Variants in PXDNL observed in about 807,000 individuals in gnomAD.
The protein encoded by PXDNL is peroxidasin like.
Under a neutral mutation model 150.8 loss-of-function variants are expected in PXDNL, and 145 were observed. That is an observed-to-expected ratio of 0.96 (90% CI 0.84 to 1.10). The LOEUF is 1.10. Among genes scored for constraint, PXDNL ranks in the 50% least tolerant of loss-of-function variants. The pLI is 0.00. For missense variants in PXDNL, 2,087 were observed against 1,873.9 expected, an observed-to-expected ratio of 1.11 and a Z score of -2.10; for synonymous variants, 757 against 725.7, an observed-to-expected ratio of 1.04 and a Z score of -0.69.
At chr8:51,394,833 T>C (rs1808031109) in intron 17 of PXDNL, among the ~76,000 whole-genome samples, 1 of 152,072 alleles carries the variant, frequency 6.6e-6, no homozygotes, top group Non-Finnish European at 1.5e-5. Context: ...GGCCTAGAAG[T>C]CTCTGCTCTG....
At position 51,544,453 on chromosome 8, in the gene PXDNL, C is replaced by T. The variant is rs549662892; in HGVS notation, c.380+12387G>A. Among the ~76,000 whole-genome samples the T allele has an allele frequency of 3.3e-5, 5 of 152,306 alleles. No homozygotes were observed. The South Asian group carries it at 8.3e-4, about 25-fold the overall frequency. On this transcript the variant is annotated intron_variant, in intron 4 of 22. Coordinates refer to ENST00000356297, the MANE Select transcript of PXDNL (RefSeq NM_144651.5). ...ACATCAGGTTATTCTTCGGAACTAT[C>T]TAGCCCTCACTGATGCTTAAAGTAA...
In PXDNL at chr8:51,707,931, A is replaced by G. The variant is rs144303372; in HGVS notation, c.165-53171T>C. 8.5e-5 allele frequency among the ~76,000 whole-genome samples: 13 copies of G among 152,274 alleles called. No homozygotes were observed. In the East Asian group the frequency reaches 2.5e-3, roughly 29 times the overall value. On this transcript the variant is annotated intron_variant, in intron 1 of 22. Coordinates refer to ENST00000356297, the MANE Select transcript of PXDNL (RefSeq NM_144651.5). ...CATATATATACATGCACACACGCAC[A>G]TACAAATATATATATATAATATTTT...
At chr8:51,437,092 A>G (rs977817038) in intron 12 of PXDNL, among the ~76,000 whole-genome samples, 4 of 152,212 alleles carry the variant, frequency 2.6e-5, no homozygotes, top group African/African-American at 9.6e-5. Flanking sequence ...CAAACTAGAA[A>G]ACCTAGAGGA....
Position 51,741,437 on chromosome 8 carries a change from G to GT in PXDNL, c.164+67743dup, listed in dbSNP as rs1353724399. On this transcript the variant is annotated intron_variant, in intron 1 of 22. Transcript: ENST00000356297. ...TTACCATTATGTAATGTCCTTCTTTGTCTTTTTTATCTTTGTTAGTTTAAA... is the reference window on the plus strand; with the variant it reads ...TTACCATTATGTAATGTCCTTCTTTGTTCTTTTTTATCTTTGTTAGTTTAAA... 1.8e-3 allele frequency among the ~76,000 whole-genome samples: 15 copies of GT among 8,248 alleles called. No individual in the cohort carries two copies. The South Asian group carries it at 0.41, about 225-fold the overall frequency. The allele number at this position is 8,248 out of a possible 152,430, so 5.4% of individuals were successfully genotyped here.
chr8:51,544,407 T>G (rs1812306428), intron 4 of PXDNL, among the ~76,000 whole-genome samples: 1 of 152,210 alleles, frequency 6.6e-6, no homozygotes, highest in Non-Finnish European at 1.5e-5. Context: ...TGCTATCTTC[T>G]GCACTGACAC....
chr8:51,447,286 T>C lies in PXDNL; in HGVS notation c.1367-124A>G, dbSNP rs1422797256. Reference sequence around the variant, plus strand: ...AAATTCTCGGTGCTAGGGTGTACTGTGTGCGTTGTGCCCTAGGATTGCAAC... The same window carrying C: ...AAATTCTCGGTGCTAGGGTGTACTGCGTGCGTTGTGCCCTAGGATTGCAAC... On this transcript the variant is annotated intron_variant, in intron 11 of 22. Transcript: ENST00000356297. The C allele has an allele frequency of 6.7e-6, 6 of 901,452 alleles. No individual in the cohort carries two copies. In the Admixed American group the frequency reaches 8.6e-5, roughly 13 times the overall value. The allele number at this position is 901,452 out of a possible 1,614,324, so 55.8% of individuals were successfully genotyped here.
At chr8:51,471,828 A>G (rs1315162323) in intron 8 of PXDNL, among the ~76,000 whole-genome samples, 2 of 151,866 alleles carry the variant, frequency 1.3e-5, no homozygotes, top group African/African-American at 4.8e-5. Context: ...CTGGGACTAC[A>G]GGCGCTCACC....
At chr8:51,794,352 A>G (rs6990860) in intron 1 of PXDNL, among the ~76,000 whole-genome samples, 6,550 of 152,220 alleles carry the variant, frequency 0.043, 468 homozygotes, top group African/African-American at 0.14. Context: ...CAACACCAAG[A>G]CACACAGTCA....
chr8:51,476,994 A>T (rs1261492897), intron 6 of PXDNL, among the ~76,000 whole-genome samples: 1 of 152,230 alleles, frequency 6.6e-6, no homozygotes, highest in Non-Finnish European at 1.5e-5. Flanking sequence ...CAAATAAAAA[A>T]ATCACTTCAT....
intron 3 of PXDNL, among the ~76,000 whole-genome samples, chr8:51,577,995 G>GAAAGAAAGAA: frequency 2.1e-5 from 1 of 47,830 alleles, no homozygotes; most frequent in South Asian, 6.9e-4. Context: ...AAGAAAGAAA[G>GAAAGAAAGAA]AAAGAGGAAG....
At chr8:51,570,559 T>C (rs868040154) in intron 3 of PXDNL, among the ~76,000 whole-genome samples, 1 of 151,962 alleles carries the variant, frequency 6.6e-6, no homozygotes, top group Non-Finnish European at 1.5e-5. Context: ...CTCATCCTTT[T>C]CGTCTATGAA....
chr8:51,545,544 C>T (rs1199782527), intron 4 of PXDNL, among the ~76,000 whole-genome samples: 1 of 152,144 alleles, frequency 6.6e-6, no homozygotes, highest in Admixed American at 6.5e-5. Context: ...GCTCTGAAGG[C>T]TGGGAAGTCC....
At chr8:51,709,416 G>A (rs4873579) in intron 1 of PXDNL, among the ~76,000 whole-genome samples, 2 of 151,816 alleles carry the variant, frequency 1.3e-5, no homozygotes, top group South Asian at 2.1e-4. Context: ...CACCACGCCC[G>A]GCTAATTTTT....
Position 51,319,809 on chromosome 8 carries a change from A to T in PXDNL, c.*82T>A, listed in dbSNP as rs1805261743. The T allele has an allele frequency of 7.8e-7, 1 of 1,286,676 alleles. No homozygotes were observed. Among genetic ancestry groups the T allele is most frequent in the African/African-American group, 1.5e-5 (1 of 65,908 alleles). The allele number at this position is 1,286,676 out of a possible 1,614,324, so 79.7% of individuals were successfully genotyped here. ...CAGTGGTTTCCATATCAACAATGTG[A>T]CTACAAGTTAAAAGTTCTGAAGTCC... is the stretch of plus-strand genomic sequence containing the variant. On this transcript the variant is annotated 3_prime_UTR_variant, in exon 23 of 23. Transcript: ENST00000356297.
At chr8:51,689,803 A>T (rs1815951629) in intron 1 of PXDNL, among the ~76,000 whole-genome samples, 1 of 152,226 alleles carries the variant, frequency 6.6e-6, no homozygotes, top group Non-Finnish European at 1.5e-5. Context: ...GAGAAGAATG[A>T]CGTTCCACTG....
At chr8:51,602,523 A>G (rs561472188) in intron 2 of PXDNL, among the ~76,000 whole-genome samples, 10 of 152,146 alleles carry the variant, frequency 6.6e-5, no homozygotes, top group African/African-American at 1.9e-4. Flanking sequence ...TCTCAAAAAA[A>G]GCAGATTTAC....
intron 4 of PXDNL, among the ~76,000 whole-genome samples, chr8:51,536,073 G>A (rs902017522): frequency 6.6e-6 from 1 of 152,184 alleles, no homozygotes; most frequent in Non-Finnish European, 1.5e-5. Context: ...CCAGCAACAG[G>A]CACCTGACCA....
intron 19 of PXDNL, among the ~76,000 whole-genome samples, chr8:51,361,256 G>GCCA (rs1806728599): frequency 1.3e-5 from 2 of 152,188 alleles, no homozygotes; most frequent in African/African-American, 4.8e-5. Flanking sequence ...AACTGGCTTG[G>GCCA]ATCCAGTTAG....
chr8:51,516,877 G>T (rs1007331110), intron 4 of PXDNL, among the ~76,000 whole-genome samples: 3 of 152,132 alleles, frequency 2.0e-5, no homozygotes, highest in African/African-American at 7.2e-5. Context: ...CAACACCAAA[G>T]CCTGATAAAT....
Sources: gnomAD v4.1 joint callset for allele counts (sites outside exome capture counted in the v4.1 genomes callset) on GRCh38, gnomAD v4.1.1 for gene constraint, MANE v1.5 for transcripts, NCBI Gene and HGNC (gene_info 2026-07-23, HGNC 2026-07-21) for gene names.